Variants in TPO observed in about 807,000 individuals in gnomAD.
The protein encoded by TPO is thyroid peroxidase.
A neutral mutation model predicts 96.9 loss-of-function variants in TPO; 78 were observed. That is an observed-to-expected ratio of 0.81 (90% CI 0.67 to 0.97). TPO has a LOEUF of 0.97. Among genes scored for constraint, TPO ranks in the 50% least tolerant of loss-of-function variants. TPO has a pLI of 0.00. For missense variants in TPO, 1,252 were observed against 1,274.8 expected, an observed-to-expected ratio of 0.98 and a Z score of 0.27; for synonymous variants, 547 against 538.0, an observed-to-expected ratio of 1.02 and a Z score of -0.23.
At chr2:1,451,499 A>G (rs967565824) in intron 5 of TPO, among the ~76,000 whole-genome samples, 3 of 152,286 alleles carry the variant, frequency 2.0e-5, no homozygotes, top group East Asian at 3.9e-4. Context: ...GTGTGTACAT[A>G]TCAGATACAT....
intron 5 of TPO, among the ~76,000 whole-genome samples, chr2:1,451,543 C>T (rs949111009): frequency 2.0e-5 from 3 of 152,280 alleles, no homozygotes; most frequent in South Asian, 4.1e-4. Flanking sequence ...CCTAGTCACG[C>T]CTGACTCTTT....
intron 15 of TPO, among the ~76,000 whole-genome samples, chr2:1,520,515 G>A (rs182244083): frequency 1.5e-4 from 23 of 152,258 alleles, no homozygotes; most frequent in Admixed American, 3.3e-4. Context: ...TACTCTCCTC[G>A]TTTTCTACCC....
chr2:1,423,796 A>G lies in TPO; in HGVS notation c.179+667A>G, dbSNP rs904117345. ...ATTATTCCAGCCAGAAAAATACCTT[A>G]CTGTTCATATTGGCTGCAAACAAAT... On this transcript the variant is annotated intron_variant, in intron 3 of 16. Transcript: ENST00000329066. Among the ~76,000 whole-genome samples, 9 of 152,336 alleles carry G rather than the reference A, an allele frequency of 5.9e-5. No individual in the cohort carries two copies. In the East Asian group the frequency reaches 9.6e-4, roughly 16 times the overall value.
At chr2:1,496,824 C>G in intron 13 of TPO, 59 bp downstream of exon 13, 1 of 1,611,192 alleles carries the variant, frequency 6.2e-7, no homozygotes. Context: ...TATAAGTTAA[C>G]AATGCAATGT....
intron 1 of TPO, among the ~76,000 whole-genome samples, chr2:1,398,851 G>C (rs1662124438): frequency 6.6e-6 from 1 of 152,168 alleles, no homozygotes; most frequent in Admixed American, 6.5e-5. Context: ...CCCCTCACCT[G>C]CAGCCATGAC....
intron 13 of TPO, among the ~76,000 whole-genome samples, chr2:1,503,511 C>T (rs765564521): frequency 2.0e-4 from 31 of 152,142 alleles, no homozygotes; most frequent in Admixed American, 5.9e-4. Context: ...TCCTCACTGG[C>T]GGTGGCAGGT....
intron 7 of TPO, among the ~76,000 whole-genome samples, chr2:1,457,792 T>C (rs115236265): frequency 0.028 from 4,323 of 152,046 alleles, 103 homozygotes; most frequent in Admixed American, 0.057. Flanking sequence ...TGGGCTCGTG[T>C]GTATATAGCA....
At chr2:1,437,523 A>G (rs1313343287) in intron 5 of TPO, among the ~76,000 whole-genome samples, 2 of 152,166 alleles carry the variant, frequency 1.3e-5, no homozygotes, top group African/African-American at 4.8e-5. Context: ...GACAGAGAGC[A>G]GGGGCTTTGC....
intron 7 of TPO, among the ~76,000 whole-genome samples, chr2:1,474,372 A>G (rs1669708548): frequency 1.3e-5 from 2 of 152,036 alleles, no homozygotes; most frequent in African/African-American, 4.8e-5. Context: ...ATCTTTTATT[A>G]TTTTATTTAG....
rs146981997 is a variant in TPO at position 1,444,374 on chromosome 2, G to A, written c.482+7990G>A. Among the ~76,000 whole-genome samples the A allele has an allele frequency of 5.8e-3, 881 of 151,454 alleles. 8 individuals carry two copies. The highest frequency in any genetic ancestry group is 0.02 in the African/African-American group (845 of 41,246). The stretch of plus-strand genomic sequence containing the variant: ...CACCGTGTTGGAAGGGAATGGAGCT[G>A]GCTCCTTCTTGTTTGTATGATCCAG... On this transcript the variant is annotated intron_variant, in intron 5 of 16. Transcript: ENST00000329066.
chr2:1,412,119 C>T (rs901806541), upstream of TPO, among the ~76,000 whole-genome samples: 2 of 152,220 alleles, frequency 1.3e-5, no homozygotes, highest in African/African-American at 4.8e-5. Context: ...TGCCCAAGAG[C>T]TCACTGCCCG....
chr2:1,514,276 T>A (rs1674459368), intron 14 of TPO, among the ~76,000 whole-genome samples: 1 of 152,178 alleles, frequency 6.6e-6, no homozygotes. Flanking sequence ...GGGAGAGCCG[T>A]CTGCTTTTCT....
At chr2:1,425,649 T>A (rs1364782861) in intron 3 of TPO, among the ~76,000 whole-genome samples, 1 of 152,134 alleles carries the variant, frequency 6.6e-6, no homozygotes, top group Non-Finnish European at 1.5e-5. Flanking sequence ...TCCTCAGAAG[T>A]CTATGCTCCT....
intron 1 of TPO, among the ~76,000 whole-genome samples, chr2:1,388,051 G>A (rs988136966): frequency 8.5e-5 from 13 of 152,220 alleles, no homozygotes; most frequent in African/African-American, 3.1e-4. Flanking sequence ...AAATGTTGCT[G>A]TCTGATCCTT....
intron 3 of TPO, among the ~76,000 whole-genome samples, chr2:1,431,333 CTG>C (rs1206039086): frequency 1.3e-5 from 2 of 152,178 alleles, no homozygotes; most frequent in Non-Finnish European, 2.9e-5. Context: ...TCCACCATGA[CTG>C]TGGCTTCCTG....
chr2:1,513,995 G>A (rs1377717678), intron 14 of TPO, among the ~76,000 whole-genome samples: 1 of 152,188 alleles, frequency 6.6e-6, no homozygotes, highest in Non-Finnish European at 1.5e-5. Context: ...TTTTACATGT[G>A]CTTCTAGCTC....
At chr2:1,479,673 T>C (rs1188740462) in intron 8 of TPO, among the ~76,000 whole-genome samples, 2 of 152,206 alleles carry the variant, frequency 1.3e-5, no homozygotes, top group Non-Finnish European at 2.9e-5. Context: ...AATTCCAAGT[T>C]ACTGAGAATC....
intron 14 of TPO, among the ~76,000 whole-genome samples, chr2:1,512,984 G>A (rs142994230): frequency 2.0e-5 from 3 of 152,224 alleles, no homozygotes; most frequent in Non-Finnish European, 4.4e-5. Context: ...GTTGCACGGA[G>A]GCCACACACG....
chr2:1,395,866 G>A (rs980227117), intron 1 of TPO, among the ~76,000 whole-genome samples: 8 of 152,164 alleles, frequency 5.3e-5, no homozygotes, highest in African/African-American at 1.4e-4. Flanking sequence ...CATGTAAGAG[G>A]TGCCTTTGCC....
Sources: allele counts gnomAD v4.1 joint callset (sites outside exome capture counted in the v4.1 genomes callset), GRCh38; gene constraint gnomAD v4.1.1; transcripts MANE v1.5; gene names NCBI Gene and HGNC (gene_info 2026-07-23, HGNC 2026-07-21).